Variants in SPTBN1 observed in about 807,000 individuals in gnomAD.
The protein encoded by SPTBN1 is spectrin beta chain, non-erythrocytic 1.
In SPTBN1, 32 loss-of-function variants were observed where a neutral mutation model predicts 266.4. That is an observed-to-expected ratio of 0.12 (90% CI 0.09 to 0.16). The LOEUF is 0.16. Among genes scored for constraint, SPTBN1 ranks in the 10% least tolerant of loss-of-function variants. The pLI, the probability that SPTBN1 is intolerant of heterozygous loss-of-function variation, is 1.00. For synonymous variants in SPTBN1, 1,336 were observed against 1,162.2 expected, an observed-to-expected ratio of 1.15 and a Z score of -3.04; for missense variants, 2,296 against 3,067.1, an observed-to-expected ratio of 0.75 and a Z score of 5.94.
In SPTBN1 at chr2:54,558,394, G is replaced by A. The variant is rs957394767; in HGVS notation, c.148+31828G>A. The A allele has an allele frequency of 9.9e-7, 1 of 1,013,406 alleles. No homozygotes were observed. The highest frequency in any genetic ancestry group is 1.7e-5 in the African/African-American group (1 of 58,078). 62.8% of individuals were successfully genotyped at this position (1,013,406 alleles called of 1,614,324 possible). On this transcript the variant is annotated intron_variant, in intron 2 of 35. Transcript: ENST00000356805. This position sits in a 1 kb window ranked among gnomAD's most constrained non-coding sequence, Gnocchi z 4.6. ...CGGCCGCCGCGGGCAGCTGGGAGGA[G>A]GTGTGCGCGCTGCGCCCGCGAGCTC...
intron 1 of SPTBN1, among the ~76,000 whole-genome samples, chr2:54,497,985 G>T (rs1196825793): frequency 1.3e-5 from 2 of 152,172 alleles, no homozygotes; most frequent in Non-Finnish European, 2.9e-5. Context: ...AAGCCCTCCA[G>T]TTGGCATTCT....
chr2:54,652,311 G>T (rs1680353077), intron 26 of SPTBN1, among the ~76,000 whole-genome samples: 1 of 152,178 alleles, frequency 6.6e-6, no homozygotes, highest in Admixed American at 6.5e-5. Flanking sequence ...AAAAAGGTAA[G>T]AATGTAATCT....
At chr2:54,497,819 C>T (rs1383683066) in intron 1 of SPTBN1, among the ~76,000 whole-genome samples, 2 of 152,040 alleles carry the variant, frequency 1.3e-5, no homozygotes, top group African/African-American at 4.8e-5. Context: ...GAAGGGCTAC[C>T]CTCTGGCTGA....
At position 54,662,395 on chromosome 2, in the gene SPTBN1, A is replaced by C. The variant is rs564302379; in HGVS notation, c.6421-2058A>C. On this transcript the variant is annotated intron_variant, in intron 32 of 35. Transcript: ENST00000356805. ...GTTTGGGGTTTTCTCTTTCCTTCTA[A>C]CTCTAAAGAAAAAATTTTTGCTGCA... The C allele has an allele frequency of 6.4e-6, 6 of 939,020 alleles. No homozygotes were observed. The African/African-American group carries it at 7.1e-5, about 11-fold the overall frequency. The allele number at this position is 939,020 out of a possible 1,614,324, so 58.2% of individuals were successfully genotyped here.
At chr2:54,477,370 C>T (rs1050859094) in intron 1 of SPTBN1, among the ~76,000 whole-genome samples, 3 of 151,152 alleles carry the variant, frequency 2.0e-5, no homozygotes, top group African/African-American at 2.4e-5. Flanking sequence ...AACTCTCTAA[C>T]TCCCCAGACT....
intron 32 of SPTBN1, chr2:54,663,961 CT>C (rs1418889318): frequency 2.6e-5 from 4 of 152,514 alleles, no homozygotes; most frequent in Non-Finnish European, 4.4e-5. Flanking sequence ...GAACCGAGGT[CT>C]TTCCTTGTCT....
chr2:54,495,827 T>C (rs1251515459), intron 1 of SPTBN1, among the ~76,000 whole-genome samples: 1 of 152,176 alleles, frequency 6.6e-6, no homozygotes, highest in Non-Finnish European at 1.5e-5. Context: ...GGTTGTATAA[T>C]TTTGTTTAAA....
intron 1 of SPTBN1, among the ~76,000 whole-genome samples, chr2:54,468,779 G>A (rs760601335): frequency 6.6e-6 from 1 of 152,166 alleles, no homozygotes; most frequent in Non-Finnish European, 1.5e-5. Flanking sequence ...GTTCTGAAGG[G>A]AATTCCCATC....
rs970079557 is a variant in SPTBN1, at chr2:54,569,979, C to CT, written c.149-29113_149-29112insT. Among the ~76,000 whole-genome samples the CT allele has an allele frequency of 4.0e-5, 6 of 149,698 alleles. No individual in the cohort carries two copies. In the South Asian group the frequency reaches 1.3e-3, roughly 33 times the overall value. On this transcript the variant is annotated intron_variant, in intron 2 of 35. Coordinates refer to ENST00000356805, the MANE Select transcript of SPTBN1 (RefSeq NM_003128.3). ...CACCCAACTGAAACCATTCCCCCCC[C>CT]CCTTTAGAAAGATTAGAAGGTTCAG...
intron 1 of SPTBN1, among the ~76,000 whole-genome samples, chr2:54,504,079 G>T (rs11883910): frequency 6.6e-6 from 1 of 152,164 alleles, no homozygotes; most frequent in African/African-American, 2.4e-5. Flanking sequence ...AAGTGCACTG[G>T]GTGGGACTGA....
chr2:54,482,384 A>G (rs192966580), intron 1 of SPTBN1, among the ~76,000 whole-genome samples: 1 of 152,234 alleles, frequency 6.6e-6, no homozygotes, highest in Admixed American at 6.5e-5. Context: ...AAAATTAGAA[A>G]CAATTAGAGA....
intron 2 of SPTBN1, among the ~76,000 whole-genome samples, chr2:54,579,176 C>T (rs896061922): frequency 5.9e-5 from 9 of 152,128 alleles, no homozygotes; most frequent in African/African-American, 2.2e-4. Flanking sequence ...TTCTCTAGCT[C>T]ATGACCTCTT....
intron 1 of SPTBN1, among the ~76,000 whole-genome samples, chr2:54,492,368 A>G (rs1282589374): frequency 2.0e-5 from 2 of 98,940 alleles, no homozygotes; most frequent in South Asian, 2.8e-4. Context: ...TTTTTTTGCT[A>G]CTATAGAAAA....
intron 6 of SPTBN1, 97 bp from the exon 7 acceptor site, chr2:54,617,981 G>T (rs912966100): frequency 3.6e-5 from 35 of 958,964 alleles, no homozygotes; most frequent in Non-Finnish European, 5.4e-5. Context: ...TCCACTAATT[G>T]GTGATTTTAA....
intron 18 of SPTBN1, among the ~76,000 whole-genome samples, chr2:54,642,059 T>C (rs1679601605): frequency 6.6e-6 from 1 of 152,212 alleles, no homozygotes; most frequent in Non-Finnish European, 1.5e-5. Flanking sequence ...CTGCATTCTT[T>C]TGTGTATCTT....
chr2:54,648,665 T>C (rs1680070956), intron 24 of SPTBN1, among the ~76,000 whole-genome samples: 1 of 152,084 alleles, frequency 6.6e-6, no homozygotes, highest in African/African-American at 2.4e-5. Flanking sequence ...GCAGAGAGAA[T>C]TTTCCCCTTT....
In SPTBN1 at chr2:54,646,409, C is replaced by G; in HGVS notation, c.4800C>G (p.Asp1600Glu). Residue 1600 changes from aspartate to glutamate, a missense_variant, in exon 23 of 36, where the codon GAC becomes GAG. Asp to Glu is a conservative substitution (Grantham distance 45). Coordinates refer to ENST00000356805, the MANE Select transcript of SPTBN1 (RefSeq NM_003128.3). The surrounding 1 kb of genome is among the most constrained non-coding windows in gnomAD (Gnocchi z 4.4). ...EAHRAQQYYF[D>E]AAEAEAWMSE... ...ACAGGGCCCAGCAGTACTACTTTGACGCTGCTGAGGCCGAAGCCTGGATGA... is the reference window on the plus strand; with the variant it reads ...ACAGGGCCCAGCAGTACTACTTTGAGGCTGCTGAGGCCGAAGCCTGGATGA... The G allele has an allele frequency of 6.2e-7, 1 of 1,601,910 alleles. No homozygotes were observed. Among genetic ancestry groups the G allele is most frequent in the Non-Finnish European group, 8.5e-7 (1 of 1,174,088 alleles).
At chr2:54,532,396 C>A (rs1042592450) in intron 2 of SPTBN1, among the ~76,000 whole-genome samples, 7 of 152,186 alleles carry the variant, frequency 4.6e-5, no homozygotes, top group African/African-American at 1.7e-4. Flanking sequence ...AACATGCAAT[C>A]CTCATGAAAA....
chr2:54,482,830 G>C (rs950572061), intron 1 of SPTBN1, among the ~76,000 whole-genome samples: 6 of 152,216 alleles, frequency 3.9e-5, no homozygotes, highest in Admixed American at 2.6e-4. Context: ...GGACAGGCTT[G>C]GAATAAGTAA....
Sources: gnomAD v4.1 joint callset for allele counts (sites outside exome capture counted in the v4.1 genomes callset) on GRCh38, gnomAD v4.1.1 for gene constraint, Gnocchi (gnomAD v3.1) non-coding constraint, MANE v1.5 for transcripts, NCBI Gene and HGNC (gene_info 2026-07-23, HGNC 2026-07-21) for gene names.